PPP2R2C: variants seen among roughly 807,000 people sequenced by gnomAD.
PPP2R2C encodes the protein protein phosphatase 2, regulatory subunit B, gamma.
Under a neutral mutation model 45.3 loss-of-function variants are expected in PPP2R2C, and 10 were observed. The observed-to-expected ratio is 0.22, with a 90% CI of 0.14 to 0.37. PPP2R2C has a LOEUF of 0.37. PPP2R2C is among the 10% of genes least tolerant of loss of function. PPP2R2C has a pLI of 1.00. For synonymous variants in PPP2R2C, 257 were observed against 245.4 expected, an observed-to-expected ratio of 1.05 and a Z score of -0.44; for missense variants, 308 against 619.7, an observed-to-expected ratio of 0.50 and a Z score of 5.34.
intron 1 of PPP2R2C, among the ~76,000 whole-genome samples, chr4:6,391,260 A>C (rs563221836): frequency 1.3e-5 from 2 of 152,146 alleles, no homozygotes; most frequent in South Asian, 4.1e-4. Context: ...GTTCCACCTC[A>C]TTGTGGCTGT....
At chr4:6,554,586 A>ACG (rs1458250281) in intron 1 of PPP2R2C, among the ~76,000 whole-genome samples, 5 of 152,176 alleles carry the variant, frequency 3.3e-5, no homozygotes, top group Non-Finnish European at 7.3e-5. Context: ...CTGGCCGGGC[A>ACG]CAGTGGCTCA....
At chr4:6,453,885 C>T (rs1226019936) in intron 1 of PPP2R2C, among the ~76,000 whole-genome samples, 3 of 152,266 alleles carry the variant, frequency 2.0e-5, no homozygotes, top group East Asian at 1.9e-4. Flanking sequence ...GCCAGAGGGG[C>T]GGTGGCAGGC....
intron 2 of PPP2R2C, among the ~76,000 whole-genome samples, chr4:6,507,892 G>C (rs1723291588): frequency 6.6e-6 from 1 of 152,178 alleles, no homozygotes; most frequent in Non-Finnish European, 1.5e-5. Context: ...TGGGAGGGTT[G>C]AACATGATTG....
chr4:6,396,195 T>G (rs1173998116), intron 1 of PPP2R2C, among the ~76,000 whole-genome samples: 1 of 152,166 alleles, frequency 6.6e-6, no homozygotes, highest in Non-Finnish European at 1.5e-5. Context: ...CTGTGCCTGG[T>G]GGACTCCAGG....
intron 1 of PPP2R2C, among the ~76,000 whole-genome samples, chr4:6,399,403 G>A (rs191272906): frequency 2.0e-5 from 3 of 152,306 alleles, no homozygotes; most frequent in East Asian, 3.9e-4. Flanking sequence ...CCAAGCAATC[G>A]CATTAAAGGA....
intron 3 of PPP2R2C, 99 bp from the exon 4 acceptor site, chr4:6,376,030 G>A (rs1715273672): frequency 2.1e-6 from 2 of 968,888 alleles, no homozygotes; most frequent in Admixed American, 2.2e-5. Context: ...CACCTCCTGG[G>A]GAAGGAGGGG....
At chr4:6,333,166 T>C (rs1732549738) in intron 7 of PPP2R2C, among the ~76,000 whole-genome samples, 1 of 152,218 alleles carries the variant, frequency 6.6e-6, no homozygotes, top group Admixed American at 6.5e-5. Context: ...GGATGCACCC[T>C]GGGAGGGCAA....
At chr4:6,335,628 G>A (rs537537916) in intron 6 of PPP2R2C, among the ~76,000 whole-genome samples, 1 of 152,162 alleles carries the variant, frequency 6.6e-6, no homozygotes, top group Admixed American at 6.5e-5. Flanking sequence ...CAGGCAGGAG[G>A]CTGGAGTCCC....
chr4:6,406,577 T>G (rs540818661), intron 1 of PPP2R2C, among the ~76,000 whole-genome samples: 1 of 148,036 alleles, frequency 6.8e-6, no homozygotes, highest in South Asian at 2.2e-4. Flanking sequence ...ATGAAAACCC[T>G]GTCTCTACTA....
At chr4:6,325,181 C>G (rs909252934) in intron 8 of PPP2R2C, among the ~76,000 whole-genome samples, 1 of 152,182 alleles carries the variant, frequency 6.6e-6, no homozygotes. Context: ...TCTTAGTTTT[C>G]TATAAGAACT....
rs567675674 is a variant in PPP2R2C, at chr4:6,346,338, A to G, written c.790+1508T>C. 3.3e-5 allele frequency among the ~76,000 whole-genome samples: 5 copies of G among 152,266 alleles called. 1 individual carries two copies. Among genetic ancestry groups the G allele is most frequent in the African/African-American group, 1.2e-4 (5 of 41,548 alleles). On this transcript the variant is annotated intron_variant, in intron 6 of 8. Coordinates refer to ENST00000382599, the MANE Select transcript of PPP2R2C (RefSeq NM_020416.4). ...CAATGTGTGGAGTCACGGCCACTGC[A>G]GTGCCCTCCTTCTCGAACATTCTTC...
chr4:6,397,243 C>T (rs928819406), intron 1 of PPP2R2C, among the ~76,000 whole-genome samples: 9 of 152,246 alleles, frequency 5.9e-5, no homozygotes, highest in African/African-American at 2.2e-4. Context: ...TCCCGCACAG[C>T]AGAGACCAGG....
intron 1 of PPP2R2C, among the ~76,000 whole-genome samples, chr4:6,404,233 T>C (rs1317314194): frequency 6.6e-6 from 1 of 152,038 alleles, no homozygotes; most frequent in African/African-American, 2.4e-5. Flanking sequence ...CCCCCTCCCA[T>C]ACACAAGTTC....
At chr4:6,428,781 T>A (rs140934990) in intron 1 of PPP2R2C, among the ~76,000 whole-genome samples, 2 of 152,208 alleles carry the variant, frequency 1.3e-5, no homozygotes, top group South Asian at 4.1e-4. Flanking sequence ...AACTGGGCAG[T>A]ATTTGGCTGC....
intron 2 of PPP2R2C, among the ~76,000 whole-genome samples, chr4:6,477,630 G>T (rs1238225458): frequency 4.0e-5 from 6 of 150,766 alleles, no homozygotes; most frequent in African/African-American, 1.5e-4. Context: ...GGAGGCTGAG[G>T]CAGGAGAAGG....
At chr4:6,350,606 A>C (rs1712459267) in intron 5 of PPP2R2C, 1 of 984,778 alleles carries the variant, frequency 1.0e-6, no homozygotes, top group Admixed American at 6.2e-5. Context: ...GTGCAGGAGG[A>C]CTCGGTGGGA....
intron 1 of PPP2R2C, among the ~76,000 whole-genome samples, chr4:6,414,331 C>T (rs751233021): frequency 6.6e-6 from 1 of 152,178 alleles, no homozygotes; most frequent in East Asian, 1.9e-4. Flanking sequence ...GAGCTAGGCT[C>T]GCAAACTCTC....
chr4:6,349,922 C>T, intron 5 of PPP2R2C: 3 of 985,290 alleles, frequency 3.0e-6, no homozygotes, highest in Non-Finnish European at 2.4e-6. Flanking sequence ...TTTCTGACCT[C>T]TCTAAACCCG....
chr4:6,527,792 G>A (rs1397631415), intron 2 of PPP2R2C, among the ~76,000 whole-genome samples: 1 of 152,036 alleles, frequency 6.6e-6, no homozygotes, highest in African/African-American at 2.4e-5. Context: ...TCAGCCCATG[G>A]AGGACAGGCC....
Sources: allele counts gnomAD v4.1 joint callset (sites outside exome capture counted in the v4.1 genomes callset), GRCh38; gene constraint gnomAD v4.1.1; transcripts MANE v1.5; gene names NCBI Gene and HGNC (gene_info 2026-07-23, HGNC 2026-07-21).